Variants in SPHKAP observed in about 807,000 individuals in gnomAD.
SPHKAP encodes the protein SPHK1 interactor, AKAP domain containing.
Under a neutral mutation model 137.5 loss-of-function variants are expected in SPHKAP, and 67 were observed. The ratio of observed to expected loss-of-function variants is 0.49; its 90% CI spans 0.40 to 0.60. The LOEUF (loss-of-function observed/expected upper bound fraction) is 0.60, where lower values mean the gene tolerates loss of function less well. Ranked by LOEUF, SPHKAP falls within the 20% of genes least tolerant of loss-of-function variation. The pLI is 0.00. For synonymous variants in SPHKAP, 813 were observed against 785.3 expected (o/e 1.04, Z -0.59); for missense variants, 2,097 against 2,069.3 (o/e 1.01, Z -0.26).
chr2:228,065,799 T>A (rs1696806789), intron 3 of SPHKAP, among the ~76,000 whole-genome samples: 1 of 152,166 alleles, frequency 6.6e-6, no homozygotes, highest in Non-Finnish European at 1.5e-5. Context: ...GAAGGCTGCT[T>A]TTGGGTCTGT....
At chr2:228,119,834 G>A (rs987434086) in intron 2 of SPHKAP, among the ~76,000 whole-genome samples, 1 of 152,078 alleles carries the variant, frequency 6.6e-6, no homozygotes, top group Non-Finnish European at 1.5e-5. Flanking sequence ...TTTATTGGAT[G>A]ACTGCCTGAG....
intron 4 of SPHKAP, among the ~76,000 whole-genome samples, chr2:228,027,129 T>G (rs577086087): frequency 1.3e-5 from 2 of 152,094 alleles, no homozygotes; most frequent in Non-Finnish European, 2.9e-5. Context: ...GGTAAAGCAT[T>G]TGATGAAAGC....
chr2:228,060,732 G>T (rs1208617209), intron 3 of SPHKAP, among the ~76,000 whole-genome samples: 2 of 152,300 alleles, frequency 1.3e-5, no homozygotes, highest in South Asian at 2.1e-4. Flanking sequence ...TTCAAATGGT[G>T]GTTTGGGAGA....
At chr2:227,987,971 A>G (rs1238498896) in intron 11 of SPHKAP, among the ~76,000 whole-genome samples, 1 of 152,172 alleles carries the variant, frequency 6.6e-6, no homozygotes, top group East Asian at 1.9e-4. Context: ...GACTTTGTAG[A>G]GACTTTTCTT....
chr2:227,982,121 ATTCT>A (rs1693022217), intron 11 of SPHKAP: 1 of 982,094 alleles, frequency 1.0e-6, no homozygotes, highest in African/African-American at 1.8e-5. Context: ...AATGAGACTA[ATTCT>A]TTTTTTTTTA....
intron 3 of SPHKAP, among the ~76,000 whole-genome samples, chr2:228,075,467 T>C (rs760204115): frequency 3.4e-4 from 52 of 152,198 alleles, no homozygotes; most frequent in Admixed American, 2.0e-3. Context: ...TTCTCAGCAT[T>C]GCAAACCATG....
At chr2:228,175,655 A>G (rs2106433936) in intron 1 of SPHKAP, among the ~76,000 whole-genome samples, 1 of 152,324 alleles carries the variant, frequency 6.6e-6, no homozygotes. Context: ...ACACAAATAG[A>G]AAATAGCTAG....
chr2:228,088,563 T>C (rs559497048), intron 3 of SPHKAP, among the ~76,000 whole-genome samples: 4 of 152,054 alleles, frequency 2.6e-5, no homozygotes, highest in South Asian at 2.1e-4. Context: ...CTAAGCAATA[T>C]AGTTTGGATG....
At chr2:228,153,025 C>T (rs986994410) in intron 1 of SPHKAP, among the ~76,000 whole-genome samples, 1 of 152,094 alleles carries the variant, frequency 6.6e-6, no homozygotes, top group African/African-American at 2.4e-5. Flanking sequence ...AGGGGTTTCC[C>T]CTTTCACTTG....
At chr2:227,992,961 C>T (rs924896467) in intron 9 of SPHKAP, among the ~76,000 whole-genome samples, 13 of 152,116 alleles carry the variant, frequency 8.5e-5, no homozygotes, top group African/African-American at 1.9e-4. Context: ...TCTCTTTTTG[C>T]GCCATATTTT....
intron 8 of SPHKAP, among the ~76,000 whole-genome samples, chr2:227,994,349 G>A (rs1276652570): frequency 6.6e-6 from 1 of 152,174 alleles, no homozygotes; most frequent in Non-Finnish European, 1.5e-5. Context: ...CTTACTGACT[G>A]AAACACAGCA....
intron 1 of SPHKAP, among the ~76,000 whole-genome samples, chr2:228,164,114 G>A (rs559703392): frequency 6.6e-6 from 1 of 152,286 alleles, no homozygotes; most frequent in South Asian, 2.1e-4. Flanking sequence ...CCCTTGCTGA[G>A]TCTTCTGGTT....
intron 7 of SPHKAP, among the ~76,000 whole-genome samples, chr2:227,997,578 T>C (rs1693683617): frequency 6.6e-6 from 1 of 152,226 alleles, no homozygotes; most frequent in Non-Finnish European, 1.5e-5. Flanking sequence ...AACATGCTTT[T>C]GTTAAGAATC....
intron 1 of SPHKAP, among the ~76,000 whole-genome samples, chr2:228,174,648 A>G (rs2106432664): frequency 6.6e-6 from 1 of 152,296 alleles, no homozygotes; most frequent in East Asian, 1.9e-4. Flanking sequence ...TTGGCTTTCA[A>G]CAAAAAATTA....
At chr2:228,159,058 T>C (rs1700196408) in intron 1 of SPHKAP, among the ~76,000 whole-genome samples, 1 of 151,990 alleles carries the variant, frequency 6.6e-6, no homozygotes, top group Non-Finnish European at 1.5e-5. Context: ...CAATGGGCGG[T>C]GATGGAGTCA....
intron 3 of SPHKAP, among the ~76,000 whole-genome samples, chr2:228,041,462 T>A (rs1574789857): frequency 1.3e-5 from 2 of 151,936 alleles, no homozygotes; most frequent in South Asian, 4.2e-4. Flanking sequence ...CTGGCCAACA[T>A]GGCGAAACCC....
rs766136994 is a variant in SPHKAP, at chr2:228,019,444, C to A, written c.1410G>T (p.Trp470Cys). ...DAAPQPGISS[W>C]PEMEVSVETS... ...TTTCAACAGAGACTTCCATCTCAGG[C>A]CAGGAGGAGATGCCTGGCTGTGGGG... The change falls in exon 7 of 12, where the codon TGG becomes TGT. Residue 470 changes from tryptophan (W) to cysteine (C), a missense_variant. By Grantham distance (215) the Trp-to-Cys change is radical (BLOSUM62 -2). Transcript: ENST00000392056. 1 of 1,614,088 alleles carries A rather than the reference C, an allele frequency of 6.2e-7. No individual in the cohort carries two copies. Among genetic ancestry groups the A allele is most frequent in the South Asian group, 1.1e-5 (1 of 91,070 alleles).
At chr2:228,092,013 C>T (rs978256072) in intron 3 of SPHKAP, among the ~76,000 whole-genome samples, 3 of 151,554 alleles carry the variant, frequency 2.0e-5, no homozygotes, top group African/African-American at 4.8e-5. Context: ...AATACAAAAC[C>T]AGCCCAAATG....
intron 3 of SPHKAP, among the ~76,000 whole-genome samples, chr2:228,103,411 T>C (rs1238835712): frequency 6.6e-6 from 1 of 152,194 alleles, no homozygotes; most frequent in African/African-American, 2.4e-5. Flanking sequence ...GGAGCAAGCC[T>C]CCCAAGTAGG....
Sources: allele counts gnomAD v4.1 joint callset (sites outside exome capture counted in the v4.1 genomes callset), GRCh38; gene constraint gnomAD v4.1.1; transcripts MANE v1.5; gene names NCBI Gene and HGNC (gene_info 2026-07-23, HGNC 2026-07-21).